The following GSK3B variants were observed in gnomAD, a reference collection of about 807,000 sequenced individuals.
GSK3B encodes the protein glycogen synthase kinase 3 beta.
Under a neutral mutation model 56.4 loss-of-function variants are expected in GSK3B, and 15 were observed. That is an observed-to-expected ratio of 0.27 (90% CI 0.18 to 0.41). GSK3B has a LOEUF of 0.41. Ranked by LOEUF, GSK3B falls within the 10% of genes least tolerant of loss-of-function variation. The pLI is 1.00. For missense variants in GSK3B, 300 were observed against 513.4 expected, an observed-to-expected ratio of 0.58 and a Z score of 4.02; for synonymous variants, 181 against 188.9, an observed-to-expected ratio of 0.96 and a Z score of 0.34.
chr3:120,022,494 GT>G (rs1184551941), intron 1 of GSK3B, among the ~76,000 whole-genome samples: 2 of 151,978 alleles, frequency 1.3e-5, no homozygotes, highest in Non-Finnish European at 2.9e-5. Context: ...ATCCATATTG[GT>G]TTTTGTATTT....
At chr3:120,066,099 C>A (rs1198347723) in intron 1 of GSK3B, among the ~76,000 whole-genome samples, 2 of 152,088 alleles carry the variant, frequency 1.3e-5, no homozygotes, top group Non-Finnish European at 2.9e-5. Flanking sequence ...GTAGTCAATA[C>A]AACGCTATAT....
At chr3:120,087,079 G>A (rs2058469322) in intron 1 of GSK3B, among the ~76,000 whole-genome samples, 1 of 152,116 alleles carries the variant, frequency 6.6e-6, no homozygotes, top group Non-Finnish European at 1.5e-5. Flanking sequence ...ACTAACCTAT[G>A]AGCAAAGTTT....
chr3:119,822,819 A>C lies in GSK3B; in HGVS notation c.*3969T>G. 1 of 228,198 alleles carries C rather than the reference A, an allele frequency of 4.4e-6. No individual in the cohort carries two copies. Among genetic ancestry groups the C allele is most frequent in the Non-Finnish European group, 8.7e-6 (1 of 114,944 alleles). 14.1% of individuals were successfully genotyped at this position (228,198 alleles called of 1,614,324 possible). On this transcript the variant is annotated 3_prime_UTR_variant, in exon 11 of 11. Coordinates refer to ENST00000264235, the MANE Select transcript of GSK3B (RefSeq NM_001146156.2). ...ACAATTTCAGTTGAAAAGAAAGAAA[A>C]CCCCCCAAATTCCTGGGGATCTGGC...
intron 1 of GSK3B, among the ~76,000 whole-genome samples, chr3:120,025,473 A>C (rs1244425547): frequency 3.9e-5 from 6 of 152,234 alleles, no homozygotes; most frequent in Non-Finnish European, 8.8e-5. Flanking sequence ...AGAGGGAATC[A>C]CTTAAGAGAT....
chr3:119,953,797 T>C (rs2057182935), intron 2 of GSK3B, among the ~76,000 whole-genome samples: 1 of 152,168 alleles, frequency 6.6e-6, no homozygotes, highest in Admixed American at 6.5e-5. Flanking sequence ...CTACACACAT[T>C]CTAAGCCCAT....
chr3:119,963,297 CT>C (rs1433204577), intron 2 of GSK3B, among the ~76,000 whole-genome samples: 1 of 152,056 alleles, frequency 6.6e-6, no homozygotes, highest in African/African-American at 2.4e-5. Flanking sequence ...AGCACAACCC[CT>C]ATCAAAATCC....
chr3:120,037,528 T>C (rs1283996301), intron 1 of GSK3B, among the ~76,000 whole-genome samples: 2 of 152,150 alleles, frequency 1.3e-5, no homozygotes, highest in Non-Finnish European at 2.9e-5. Flanking sequence ...GCCGGTAGTG[T>C]GTAATACGTC....
chr3:119,920,717 A>G (rs937535332), intron 4 of GSK3B, among the ~76,000 whole-genome samples: 3 of 152,218 alleles, frequency 2.0e-5, no homozygotes. Flanking sequence ...TAATTATACT[A>G]CTATCATTGA....
intron 2 of GSK3B, among the ~76,000 whole-genome samples, chr3:119,982,143 AAC>A (rs1006908743): frequency 6.6e-6 from 1 of 152,230 alleles, no homozygotes; most frequent in African/African-American, 2.4e-5. Context: ...AAGGAAAACA[AAC>A]AAACAGAAAG....
chr3:120,053,352 C>T (rs1216555368), intron 1 of GSK3B, among the ~76,000 whole-genome samples: 1 of 151,994 alleles, frequency 6.6e-6, no homozygotes, highest in Non-Finnish European at 1.5e-5. Flanking sequence ...AAAAAGAAAA[C>T]TACATCTATC....
chr3:119,985,666 T>TG (rs2057509039), intron 2 of GSK3B, among the ~76,000 whole-genome samples: 1 of 152,072 alleles, frequency 6.6e-6, no homozygotes, highest in Admixed American at 6.6e-5. Flanking sequence ...TACAAACCAC[T>TG]GCTCAACGAA....
At position 119,925,296 on chromosome 3, in the gene GSK3B, C is replaced by G. The variant is rs563359151; in HGVS notation, c.367-1813G>C. 3.3e-5 allele frequency among the ~76,000 whole-genome samples: 5 copies of G among 152,308 alleles called. No homozygotes were observed. In the South Asian group the frequency reaches 8.3e-4, roughly 25 times the overall value. On this transcript the variant is annotated intron_variant, in intron 3 of 10. Coordinates refer to ENST00000264235, the MANE Select transcript of GSK3B (RefSeq NM_001146156.2). ...ATAAGCCAAGATCATGCCATGCACT[C>G]CAGTCTGGGTGACAGAGCCACACCT... is the stretch of plus-strand genomic sequence containing the variant.
At chr3:119,924,480 A>G (rs1486005095) in intron 3 of GSK3B, among the ~76,000 whole-genome samples, 1 of 152,240 alleles carries the variant, frequency 6.6e-6, no homozygotes, top group Non-Finnish European at 1.5e-5. Flanking sequence ...GCCACAGCAG[A>G]GGAAATAAAA....
chr3:120,082,193 A>G (rs1018337542), intron 1 of GSK3B, among the ~76,000 whole-genome samples: 4 of 152,134 alleles, frequency 2.6e-5, no homozygotes, highest in Non-Finnish European at 5.9e-5. Context: ...ATAAGCTGAA[A>G]ACATGATTAA....
intron 1 of GSK3B, among the ~76,000 whole-genome samples, chr3:120,027,613 A>G (rs930352162): frequency 1.3e-5 from 2 of 152,192 alleles, no homozygotes; most frequent in Non-Finnish European, 2.9e-5. Flanking sequence ...ACAGACTATT[A>G]AGCACTCATT....
intron 2 of GSK3B, among the ~76,000 whole-genome samples, chr3:119,984,010 T>C (rs28831519): frequency 0.24 from 36,720 of 152,116 alleles, 4,891 homozygotes; most frequent in East Asian, 0.48. Context: ...AACTGTCTCA[T>C]AGACCACAGT....
At chr3:119,842,063 C>T (rs2055778819) in intron 10 of GSK3B, among the ~76,000 whole-genome samples, 1 of 152,024 alleles carries the variant, frequency 6.6e-6, no homozygotes, top group African/African-American at 2.4e-5. Flanking sequence ...TCAGCTCCTG[C>T]CATTAGCTTT....
intron 2 of GSK3B, among the ~76,000 whole-genome samples, chr3:119,988,348 T>C (rs1405089252): frequency 6.6e-6 from 1 of 152,226 alleles, no homozygotes; most frequent in Admixed American, 6.5e-5. Flanking sequence ...TGAACAAAAT[T>C]TGGAACATAC....
At chr3:119,987,326 T>C (rs2057526038) in intron 2 of GSK3B, among the ~76,000 whole-genome samples, 1 of 152,130 alleles carries the variant, frequency 6.6e-6, no homozygotes, top group African/African-American at 2.4e-5. Flanking sequence ...TAAAGTATAA[T>C]AATAAAAGTT....
Sources: gnomAD v4.1 joint callset for allele counts (sites outside exome capture counted in the v4.1 genomes callset) on GRCh38, gnomAD v4.1.1 for gene constraint, MANE v1.5 for transcripts, NCBI Gene and HGNC (gene_info 2026-07-23, HGNC 2026-07-21) for gene names.